The following DAND5 variants were observed in gnomAD, a reference collection of about 807,000 sequenced individuals.
The protein encoded by DAND5 is DAN domain family member 5.
DAND5 carries 8 observed loss-of-function variants against 9.2 expected under a neutral mutation model. That is an observed-to-expected ratio of 0.87 (90% CI 0.51 to 1.56). The LOEUF (loss-of-function observed/expected upper bound fraction) is 1.56, where lower values mean the gene tolerates loss of function less well. Ranked by LOEUF, DAND5 falls within the 40% of genes most tolerant of loss-of-function variation. The probability of loss-of-function intolerance (pLI) is 0.00; values close to 1 mark genes in which losing one functional copy is unlikely to be tolerated. For synonymous variants in DAND5, 95 were observed against 101.1 expected, an observed-to-expected ratio of 0.94 and a Z score of 0.36; for missense variants, 244 against 244.7, an observed-to-expected ratio of 1.00 and a Z score of 0.02.
At chr19:12,970,336 C>G in intron 1 of DAND5, 1 of 643,564 alleles carries the variant, frequency 1.6e-6, no homozygotes. Context: ...TTTCTGTACT[C>G]TCTGATCCTG....
intron 1 of DAND5, among the ~76,000 whole-genome samples, chr19:12,971,939 G>T (rs1224730034): frequency 2.6e-5 from 4 of 151,904 alleles, no homozygotes; most frequent in Non-Finnish European, 5.9e-5. Flanking sequence ...CACCCAGGCT[G>T]GAGTACAGTG....
intron 1 of DAND5, chr19:12,970,532 C>A: frequency 1.5e-6 from 1 of 684,670 alleles, no homozygotes; most frequent in South Asian, 1.5e-5. Context: ...CTCCTGAGTT[C>A]TAGGTGTGAG....
Position 12,973,666 on chromosome 19 carries a change from C to G in DAND5, c.*32C>G. On this transcript the variant is annotated 3_prime_UTR_variant, in exon 2 of 2. Transcript: ENST00000317060. The stretch of plus-strand genomic sequence containing the variant: ...CATCGTGGATGGGTGCACGGAGACA[C>G]GCACCTTGGAGAAATGAGGGGAGAT... The G allele has an allele frequency of 1.0e-5, 16 of 1,599,844 alleles. No individual in the cohort carries two copies. The highest frequency in any genetic ancestry group is 1.4e-5 in the Non-Finnish European group (16 of 1,172,182).
At chr19:12,973,332 T>G (rs2011156290) in intron 1 of DAND5, 57 bp from the exon 2 acceptor site, 1 of 1,581,526 alleles carries the variant, frequency 6.3e-7, no homozygotes, top group Admixed American at 1.7e-5. Context: ...GTGATTATCC[T>G]CGCCACTCTG....
intron 1 of DAND5, among the ~76,000 whole-genome samples, chr19:12,971,538 A>C (rs749778043): frequency 2.0e-5 from 3 of 151,784 alleles, no homozygotes; most frequent in Non-Finnish European, 4.4e-5. Context: ...CGGCCTCCCC[A>C]AGTGCTGAGA....
At chr19:12,971,374 G>A (rs1236131452) in intron 1 of DAND5, among the ~76,000 whole-genome samples, 2 of 152,088 alleles carry the variant, frequency 1.3e-5, no homozygotes, top group East Asian at 3.9e-4. Flanking sequence ...CGCCTCCCGG[G>A]TTCAAGCGAT....
chr19:12,970,608 CTTT>C (rs1051408362), intron 1 of DAND5: 1 of 478,280 alleles, frequency 2.1e-6, no homozygotes, highest in African/African-American at 2.0e-5. Context: ...CTCTTTCTTT[CTTT>C]CTTTTCTTTC....
rs140253089 is a variant in DAND5, at chr19:12,969,906, C to A, written c.246C>A (p.Asp82Glu). The A allele has an allele frequency of 1.2e-6, 2 of 1,614,168 alleles. No homozygotes were observed. The highest frequency in any genetic ancestry group is 1.7e-6 in the Non-Finnish European group (2 of 1,180,032). ...TGGGCAGGCTGCAGCGTGGGCAAGA[C>A]GAGGTGGCTGCTGTGACTCTGCCGC... ...LGMGRLQRGQDEVAAVTLPLN... is the reference protein window; with the variant it reads ...LGMGRLQRGQEEVAAVTLPLN... Residue 82 changes from aspartate (D) to glutamate (E), a missense_variant, in exon 1 of 2, where the codon GAC becomes GAA. Transcript: ENST00000317060.
chr19:12,973,233 C>T (rs1182102538), intron 1 of DAND5, among the ~76,000 whole-genome samples, 156 bp from the exon 2 acceptor site: 1 of 152,202 alleles, frequency 6.6e-6, no homozygotes, highest in Admixed American at 6.5e-5. Flanking sequence ...TGCCCCATGT[C>T]TCAGCCAAGA....
intron 1 of DAND5, among the ~76,000 whole-genome samples, 159 bp from the exon 2 acceptor site, chr19:12,973,230 T>A (rs946127029): frequency 8.5e-5 from 13 of 152,180 alleles, no homozygotes; most frequent in African/African-American, 3.1e-4. Flanking sequence ...ATTTGCCCCA[T>A]GTCTCAGCCA....
In DAND5 at chr19:12,972,972, T is replaced by C. The variant is rs370099604; in HGVS notation, c.325-417T>C. On this transcript the variant is annotated intron_variant, in intron 1 of 1. Coordinates refer to ENST00000317060, the MANE Select transcript of DAND5 (RefSeq NM_152654.3). ...CCGCCTCCTGGGTTCACACCATTCT[T>C]CTGCCTCAGTCTCCCGAGTAGCTGG... Among the ~76,000 whole-genome samples, 1,211 of 151,358 alleles carry C rather than the reference T, an allele frequency of 8.0e-3. 21 individuals carry two copies. The highest frequency in any genetic ancestry group is 0.028 in the African/African-American group (1,143 of 41,370).
chr19:12,971,795 T>G (rs1427060091), intron 1 of DAND5, among the ~76,000 whole-genome samples: 1 of 151,552 alleles, frequency 6.6e-6, no homozygotes, highest in East Asian at 2.0e-4. Flanking sequence ...TTCACTATGT[T>G]GGCCAGGATG....
chr19:12,973,346 C>T, intron 1 of DAND5, 43 bp from the exon 2 acceptor site: 1 of 1,597,744 alleles, frequency 6.3e-7, no homozygotes, highest in South Asian at 1.1e-5. Context: ...CACTCTGGCC[C>T]CAAACTCCGC....
In DAND5 at chr19:12,973,690, ATG is replaced by A; in HGVS notation, c.*57_*58del. 6.3e-7 allele frequency: 1 copy of A among 1,579,420 alleles called. No homozygotes were observed. Among genetic ancestry groups the A allele is most frequent in the Non-Finnish European group, 8.6e-7 (1 of 1,162,448 alleles). ...ACGCACCTTGGAGAAATGAGGGGAGATGGACCAAGAAAGACGTGGACCTGGAT... is the reference window on the plus strand; with the variant it reads ...ACGCACCTTGGAGAAATGAGGGGAGAGACCAAGAAAGACGTGGACCTGGAT... On this transcript the variant is annotated 3_prime_UTR_variant, in exon 2 of 2. Transcript: ENST00000317060.
At chr19:12,973,076 A>C (rs376360972) in intron 1 of DAND5, among the ~76,000 whole-genome samples, 7 of 151,020 alleles carry the variant, frequency 4.6e-5, no homozygotes, top group East Asian at 2.0e-4. Flanking sequence ...GTTGGCCAGG[A>C]TGGTCTCGAT....
In DAND5 at chr19:12,969,638, C is replaced by A. The variant is rs772314725; in HGVS notation, c.-23C>A. The A allele has an allele frequency of 2.5e-6, 4 of 1,575,126 alleles. No homozygotes were observed. The East Asian group carries it at 6.7e-5, about 26-fold the overall frequency. ...AGCCCAGTCCGGACAGACAGACAGGCAGACAGACGCACGGACAAGCAGATG... is the reference window on the plus strand; with the variant it reads ...AGCCCAGTCCGGACAGACAGACAGGAAGACAGACGCACGGACAAGCAGATG... On this transcript the variant is annotated 5_prime_UTR_variant, in exon 1 of 2. Transcript: ENST00000317060.
intron 1 of DAND5, among the ~76,000 whole-genome samples, chr19:12,971,302 A>G (rs118088980): frequency 0.051 from 7,699 of 151,902 alleles, 256 homozygotes; most frequent in South Asian, 0.08. Context: ...TTTTTGAGAT[A>G]GAGTCTCGCT....
At position 12,973,064 on chromosome 19, in the gene DAND5, G is replaced by A. The variant is rs184394619; in HGVS notation, c.325-325G>A. Among the ~76,000 whole-genome samples the A allele has an allele frequency of 4.5e-3, 673 of 150,908 alleles. 8 individuals carry two copies. Among genetic ancestry groups the A allele is most frequent in the Middle Eastern group, 0.017 (5 of 290 alleles). The stretch of plus-strand genomic sequence containing the variant: ...TTTTTAGTAGAGACGGGGTTTCACC[G>A]TGTTGGCCAGGATGGTCTCGATCTG... On this transcript the variant is annotated intron_variant, in intron 1 of 1. Transcript: ENST00000317060.
At position 12,973,531 on chromosome 19, in the gene DAND5, C is replaced by A; in HGVS notation, c.467C>A (p.Ala156Glu). Residue 156 changes from alanine (A) to glutamate (E), a missense_variant, in exon 2 of 2, where the codon GCA becomes GAA. By Grantham distance (107) the Ala-to-Glu change is moderately radical. Transcript: ENST00000317060. ...TGTATGCCTGCTCGCAAGCGTTGGG[C>A]ACCCGTGGTCCTGTGGTGTCTCACT... ...NSCMPARKRW[A>E]PVVLWCLTGS... The A allele has an allele frequency of 6.2e-7, 1 of 1,614,176 alleles. No individual in the cohort carries two copies. The highest frequency in any genetic ancestry group is 1.6e-4 in the Middle Eastern group (1 of 6,062).
Sources: gnomAD v4.1 joint callset for allele counts (sites outside exome capture counted in the v4.1 genomes callset) on GRCh38, gnomAD v4.1.1 for gene constraint, MANE v1.5 for transcripts, NCBI Gene and HGNC (gene_info 2026-07-23, HGNC 2026-07-21) for gene names.